Variants in NCOA7 observed in about 807,000 individuals in gnomAD.
The protein encoded by NCOA7 is nuclear receptor coactivator 7, also known as 140 kDa estrogen receptor-associated protein.
NCOA7 carries 45 observed loss-of-function variants against 104.3 expected under a neutral mutation model. The observed-to-expected ratio is 0.43, with a 90% CI of 0.34 to 0.55. The LOEUF (loss-of-function observed/expected upper bound fraction) is 0.55, where lower values mean the gene tolerates loss of function less well. Ranked by LOEUF, NCOA7 falls within the 20% of genes least tolerant of loss-of-function variation. NCOA7 has a pLI of 0.02. For synonymous variants in NCOA7, 398 were observed against 402.3 expected (o/e 0.99, Z 0.13); for missense variants, 1,041 against 1,119.7 (o/e 0.93, Z 1.00).
intron 10 of NCOA7, among the ~76,000 whole-genome samples, chr6:125,914,841 A>C (rs1786908908): frequency 6.6e-6 from 1 of 152,242 alleles, no homozygotes; most frequent in African/African-American, 2.4e-5. Context: ...TCTAATATTA[A>C]AATAGTAGCC....
chr6:125,867,638 T>C (rs1224921223), intron 3 of NCOA7, among the ~76,000 whole-genome samples: 1 of 152,246 alleles, frequency 6.6e-6, no homozygotes, highest in East Asian at 1.9e-4. Context: ...TGCTTTTATC[T>C]CCACTACAAG....
At position 125,815,318 on chromosome 6, in the gene NCOA7, G is replaced by T; in HGVS notation, c.-37G>T. ...TTACGACTCACTGATTAAAAAGAGG[G>T]ACTTTTTCAAATACTTTGCACTTTT... On this transcript the variant is annotated 5_prime_UTR_variant, in exon 2 of 16. Transcript: ENST00000392477. 6.6e-7 allele frequency: 1 copy of T among 1,524,958 alleles called. No individual in the cohort carries two copies. The highest frequency in any genetic ancestry group is 9.0e-7 in the Non-Finnish European group (1 of 1,114,990). The allele number at this position is 1,524,958 out of a possible 1,614,324, so 94.5% of individuals were successfully genotyped here. A position where few individuals can be genotyped will look rare whatever the true frequency, so the allele number is the denominator to read the frequency against.
At chr6:125,781,625 A>G (rs1583201199) in intron 1 of NCOA7, among the ~76,000 whole-genome samples, 1 of 152,304 alleles carries the variant, frequency 6.6e-6, no homozygotes, top group South Asian at 2.1e-4. Context: ...CTCTTACTTA[A>G]GGGGTTGCTA....
At chr6:125,878,239 C>G in intron 4 of NCOA7, 24 bp from the exon 5 acceptor site, 1 of 1,551,766 alleles carries the variant, frequency 6.4e-7, no homozygotes, top group South Asian at 1.2e-5. Context: ...TATTTATTGA[C>G]TCTTACCTGT....
intron 2 of NCOA7, 104 bp downstream of exon 2, chr6:125,815,508 T>A (rs1178528457): frequency 2.2e-6 from 2 of 891,574 alleles, no homozygotes; most frequent in Non-Finnish European, 3.6e-6. Context: ...TGCTTGTTCA[T>A]AAATAGAGCA....
At chr6:125,875,994 G>A (rs1160416131) in intron 4 of NCOA7, among the ~76,000 whole-genome samples, 1 of 152,128 alleles carries the variant, frequency 6.6e-6, no homozygotes, top group African/African-American at 2.4e-5. Flanking sequence ...GCACAAAGTG[G>A]GGACTCAGTT....
rs1229540696 is a variant in NCOA7, at chr6:125,923,856, A to T, written c.2523+1022A>T. Among the ~76,000 whole-genome samples, 5 of 152,224 alleles carry T rather than the reference A, an allele frequency of 3.3e-5. No individual in the cohort carries two copies. The East Asian group carries it at 9.6e-4, about 29-fold the overall frequency. On this transcript the variant is annotated intron_variant, in intron 13 of 15. Coordinates refer to ENST00000392477, the MANE Select transcript of NCOA7 (RefSeq NM_181782.5). The stretch of plus-strand genomic sequence containing the variant: ...TTACAGGAAATAGAACTTTGCTGTC[A>T]TGATTTGCCTTGGGAAAAATTAGGG...
At chr6:125,880,664 G>A (rs1261120997) in intron 5 of NCOA7, among the ~76,000 whole-genome samples, 1 of 151,944 alleles carries the variant, frequency 6.6e-6, no homozygotes, top group Admixed American at 6.6e-5. Flanking sequence ...GAGTATCTGG[G>A]ACTACAGGTG....
Position 125,821,981 on chromosome 6 carries a change from C to T in NCOA7, c.50+6577C>T, listed in dbSNP as rs568839806. 7.2e-5 allele frequency among the ~76,000 whole-genome samples: 11 copies of T among 152,298 alleles called. No individual in the cohort carries two copies. The East Asian group carries it at 2.1e-3, about 29-fold the overall frequency. On this transcript the variant is annotated intron_variant, in intron 2 of 15. Coordinates refer to ENST00000392477, the MANE Select transcript of NCOA7 (RefSeq NM_181782.5). ...GTGTTATGCTCCTTGTCTCCAGCCC[C>T]ACAGAGGCAACCTTTGAATCCTAGG...
chr6:125,923,753 G>A (rs1008407352), intron 13 of NCOA7, among the ~76,000 whole-genome samples: 2 of 152,112 alleles, frequency 1.3e-5, no homozygotes, highest in Non-Finnish European at 2.9e-5. Flanking sequence ...GTTAAGCATT[G>A]GGGAGCTTAC....
At chr6:125,810,479 T>C (rs1405107549) in intron 1 of NCOA7, 1 of 152,206 alleles carries the variant, frequency 6.6e-6, no homozygotes, top group Non-Finnish European at 1.5e-5. Context: ...GTGAAATTCT[T>C]TTTGGTCTGC....
intron 8 of NCOA7, among the ~76,000 whole-genome samples, chr6:125,888,016 T>C (rs773730936): frequency 4.6e-5 from 7 of 152,190 alleles, no homozygotes; most frequent in Non-Finnish European, 1.0e-4. Flanking sequence ...TGCTGCTCTC[T>C]AGTCATTTTT....
At chr6:125,915,724 G>A (rs1374296007) in intron 11 of NCOA7, among the ~76,000 whole-genome samples, 1 of 151,744 alleles carries the variant, frequency 6.6e-6, no homozygotes, top group Non-Finnish European at 1.5e-5. Context: ...CTTACTCATA[G>A]CTCCATGCCT....
intron 3 of NCOA7, among the ~76,000 whole-genome samples, chr6:125,860,610 A>G (rs982491974): frequency 6.6e-6 from 1 of 152,218 alleles, no homozygotes; most frequent in African/African-American, 2.4e-5. Flanking sequence ...GGCCTCCCCA[A>G]GTGCTGGGAT....
At chr6:125,895,043 A>G (rs113135773) in intron 10 of NCOA7, among the ~76,000 whole-genome samples, 2,766 of 152,230 alleles carry the variant, frequency 0.018, 85 homozygotes, top group African/African-American at 0.062. Context: ...AAAAACCTCA[A>G]TTGTCTTTTT....
intron 5 of NCOA7, among the ~76,000 whole-genome samples, chr6:125,880,044 G>T (rs1303235631): frequency 1.3e-5 from 2 of 152,120 alleles, no homozygotes; most frequent in African/African-American, 4.8e-5. Flanking sequence ...ATGCCACAAT[G>T]TAGCATGTCT....
intron 1 of NCOA7, among the ~76,000 whole-genome samples, chr6:125,809,322 C>G (rs1414952983): frequency 6.6e-6 from 1 of 151,924 alleles, no homozygotes; most frequent in Non-Finnish European, 1.5e-5. Flanking sequence ...AGCTGGGACA[C>G]CAGGCATGTG....
intron 2 of NCOA7, among the ~76,000 whole-genome samples, chr6:125,832,419 TA>T (rs1325658342): frequency 6.6e-6 from 1 of 152,234 alleles, no homozygotes; most frequent in Admixed American, 6.5e-5. Flanking sequence ...TACTCTCTTT[TA>T]ACTACTTAAG....
intron 10 of NCOA7, among the ~76,000 whole-genome samples, chr6:125,912,367 T>G (rs1303495182): frequency 3.6e-5 from 4 of 109,718 alleles, no homozygotes; most frequent in Non-Finnish European, 5.8e-5. Flanking sequence ...TCTCTCCATA[T>G]TGCTGCGTGG....
Sources: allele counts gnomAD v4.1 joint callset (sites outside exome capture counted in the v4.1 genomes callset), GRCh38; gene constraint gnomAD v4.1.1; transcripts MANE v1.5; gene names NCBI Gene and HGNC (gene_info 2026-07-23, HGNC 2026-07-21).